Variants in NR2F2 observed in about 807,000 individuals in gnomAD.
NR2F2 encodes nuclear receptor subfamily 2 group F member 2.
Under a neutral mutation model 34.8 loss-of-function variants are expected in NR2F2, and 2 were observed. That is an observed-to-expected ratio of 0.06 (90% CI 0.02 to 0.18). The LOEUF is 0.18. Among genes scored for constraint, NR2F2 ranks in the 10% least tolerant of loss-of-function variants. The pLI is 1.00. For missense variants in NR2F2, 300 were observed against 580.1 expected (o/e 0.52, Z 4.96); for synonymous variants, 274 against 251.8 (o/e 1.09, Z -0.84).
In NR2F2 at chr15:96,330,987, T is replaced by C; in HGVS notation, c.-1119T>C. 1 of 1,209,384 alleles carries C rather than the reference T, an allele frequency of 8.3e-7. No homozygotes were observed. Among genetic ancestry groups the C allele is most frequent in the Non-Finnish European group, 1.0e-6 (1 of 973,182 alleles). 74.9% of individuals were successfully genotyped at this position (1,209,384 alleles called of 1,614,324 possible). ...AGGTGGTGATCTGCCCTCCTCTCTCTCTTTTATCATTTCTCCCCCGCCGCC... is the reference window on the plus strand; with the variant it reads ...AGGTGGTGATCTGCCCTCCTCTCTCCCTTTTATCATTTCTCCCCCGCCGCC... On this transcript the variant is annotated 5_prime_UTR_variant, in exon 1 of 3. Transcript: ENST00000394166.
rs75102826 is a variant in NR2F2 at position 96,331,574 on chromosome 15, TTCCTCCTCCTCCTCC to T, written c.-519_-505del. ...CCTCCTCCTTCACCACCACCTCCTC[TTCCTCCTCCTCCTCC>T]TCCTCCTCCTCCGCCAACTCCTCGG... On this transcript the variant is annotated 5_prime_UTR_variant, in exon 1 of 3. Coordinates refer to ENST00000394166, the MANE Select transcript of NR2F2 (RefSeq NM_021005.4). 12 of 1,190,878 alleles carry T rather than the reference TTCCTCCTCCTCCTCC, an allele frequency of 1.0e-5. No homozygotes were observed. Among genetic ancestry groups the T allele is most frequent in the African/African-American group, 8.0e-5 (5 of 62,256 alleles). The allele number at this position is 1,190,878 out of a possible 1,614,324, so 73.8% of individuals were successfully genotyped here. A position where few individuals can be genotyped will look rare whatever the true frequency, so the allele number is the denominator to read the frequency against.
At chr15:96,326,870 G>T (rs35051371), upstream of NR2F2, 153 of 153,130 alleles carry the variant, frequency 1.0e-3, no homozygotes, top group Non-Finnish European at 2.0e-3. This position sits in a 1 kb window ranked among gnomAD's most constrained non-coding sequence, Gnocchi z 5.5. Context: ...AGGGAGAAAA[G>T]CCTAGCCCGG....
upstream of NR2F2, chr15:96,326,422 T>C: frequency 1.5e-6 from 2 of 1,361,744 alleles, no homozygotes; most frequent in Non-Finnish European, 1.1e-6. The surrounding 1 kb of genome is among the most constrained non-coding windows in gnomAD (Gnocchi z 5.5). Context: ...CTGTGTGGGG[T>C]TGGGGATGAC....
chr15:96,336,591 T>A (rs1443923286), intron 2 of NR2F2, among the ~76,000 whole-genome samples: 1 of 150,436 alleles, frequency 6.6e-6, no homozygotes, highest in Non-Finnish European at 1.5e-5. Context: ...TATTTTCACG[T>A]ATCAAAAAAG....
intron 1 of NR2F2, chr15:96,333,682 C>T: frequency 8.9e-7 from 1 of 1,124,962 alleles, no homozygotes; most frequent in Non-Finnish European, 1.1e-6. Context: ...CTCACCCTCC[C>T]CCCAGACTCG....
At chr15:96,326,924 A>C (rs1195516737), upstream of NR2F2, 2 of 153,318 alleles carry the variant, frequency 1.3e-5, no homozygotes, top group East Asian at 3.8e-4. This position sits in a 1 kb window ranked among gnomAD's most constrained non-coding sequence, Gnocchi z 5.5. Context: ...CGGTTAAGCT[A>C]GGAGGAGAAT....
At chr15:96,330,400 T>TCGGCGGCGGCGGCGG (rs560453342), upstream of NR2F2, among the ~76,000 whole-genome samples, 8 of 143,478 alleles carry the variant, frequency 5.6e-5, no homozygotes, top group East Asian at 2.3e-4. Context: ...CATCCCCCTC[T>TCGGCGGCGGCGGCGG]CGGCGGCGGC....
At chr15:96,332,940 T>C (rs1382316469) in intron 1 of NR2F2, among the ~76,000 whole-genome samples, 345 of 26,700 alleles carry the variant, frequency 0.013, no homozygotes, top group Middle Eastern at 0.023. Flanking sequence ...CCCCACCCTC[T>C]CAAAAAAAAA....
chr15:96,331,969 GGCGCCCTCCC>G lies in NR2F2; in HGVS notation c.-128_-119del, dbSNP rs1269813706. ...ACCAACCAGCCCCCGAGCCACCCGG[GGCGCCCTCCC>G]GCGCCCTCTTGCACCCTCGCACACA... On this transcript the variant is annotated 5_prime_UTR_variant, in exon 1 of 3. Transcript: ENST00000394166. The G allele has an allele frequency of 5.0e-6, 6 of 1,208,746 alleles. No individual in the cohort carries two copies. Among genetic ancestry groups the G allele is most frequent in the Admixed American group, 4.4e-5 (1 of 22,690 alleles). 74.9% of individuals were successfully genotyped at this position (1,208,746 alleles called of 1,614,324 possible). A position where few individuals can be genotyped will look rare whatever the true frequency, so the allele number is the denominator to read the frequency against.
In NR2F2 at chr15:96,334,241, C is replaced by A; in HGVS notation, c.608C>A (p.Pro203His). The A allele has an allele frequency of 6.2e-7, 1 of 1,614,220 alleles. No homozygotes were observed. Among genetic ancestry groups the A allele is most frequent in the Non-Finnish European group, 8.5e-7 (1 of 1,180,040 alleles). The change falls in exon 2 of 3, where the codon CCC becomes CAC. Residue 203 changes from proline to histidine, a missense_variant. Physicochemically the swap from Pro to His is moderately conservative, Grantham distance 77 (BLOSUM62 -2). Transcript: ENST00000394166. The stretch of plus-strand genomic sequence containing the variant: ...CGCTTCGGCAGCCAATGCATGCAGC[C>A]CAACAACATCATGGGTATCGAGAAC... Reference protein sequence around the residue: ...TSRFGSQCMQPNNIMGIENIC... With the variant: ...TSRFGSQCMQHNNIMGIENIC...
chr15:96,333,952 T>G, intron 1 of NR2F2, 124 bp from the exon 2 acceptor site: 2 of 1,505,252 alleles, frequency 1.3e-6, no homozygotes, highest in Non-Finnish European at 1.8e-6. Context: ...GTGGCAGGCC[T>G]GCCTGGTTCT....
chr15:96,333,427 C>G, intron 1 of NR2F2: 1 of 1,002,700 alleles, frequency 1.0e-6, no homozygotes, highest in African/African-American at 1.7e-5. Context: ...CTAGTGCCGG[C>G]CGCCTGCTCC....
Position 96,330,787 on chromosome 15 carries a change from CTG to C in NR2F2, c.-1317_-1316del, listed in dbSNP as rs1045781448. On this transcript the variant is annotated 5_prime_UTR_variant, in exon 1 of 3. Transcript: ENST00000394166. The stretch of plus-strand genomic sequence containing the variant: ...TAGCATATTTGATCACTTTGATTCT[CTG>C]TTCTTTTCTCTCCGCGGTGTGTGTG... 1.9e-4 allele frequency: 175 copies of C among 932,038 alleles called. No individual in the cohort carries two copies. The highest frequency in any genetic ancestry group is 2.2e-4 in the Non-Finnish European group (163 of 748,992). The allele number at this position is 932,038 out of a possible 1,614,324, so 57.7% of individuals were successfully genotyped here.
intron 1 of NR2F2, among the ~76,000 whole-genome samples, chr15:96,332,941 C>CCCCA (rs1899194044): frequency 1.0e-4 from 6 of 58,030 alleles, no homozygotes; most frequent in Non-Finnish European, 1.7e-4. Context: ...CCCACCCTCT[C>CCCCA]AAAAAAAAAA....
In NR2F2 at chr15:96,332,342, C is replaced by T. The variant is rs369494475; in HGVS notation, c.237C>T (p.Cys79=). Residue 79 remains cysteine (C), a synonymous_variant, in exon 1 of 3, where the codon TGC becomes TGT. Coordinates refer to ENST00000394166, the MANE Select transcript of NR2F2 (RefSeq NM_021005.4). ...AGCAGCAGCAGCAACACATCGAGTG[C>T]GTGGTGTGCGGAGACAAGTCGAGCG... ...DKQQQQQHIE[C]VVCGDKSSGK... is the part of the protein sequence containing the mutation. 6.8e-6 allele frequency: 11 copies of T among 1,606,592 alleles called. No individual in the cohort carries two copies. The highest frequency in any genetic ancestry group is 9.3e-6 in the Non-Finnish European group (11 of 1,176,570).
chr15:96,336,287 C>G (rs62009260), intron 2 of NR2F2, among the ~76,000 whole-genome samples: 3,099 of 152,290 alleles, frequency 0.02, 46 homozygotes, highest in Non-Finnish European at 0.032. Context: ...GAGGGAGACA[C>G]ACAGTTCCGA....
chr15:96,334,471 A>G lies in NR2F2; in HGVS notation c.838A>G (p.Met280Val). 1.9e-6 allele frequency: 3 copies of G among 1,613,944 alleles called. No individual in the cohort carries two copies. Among genetic ancestry groups the G allele is most frequent in the South Asian group, 1.1e-5 (1 of 91,076 alleles). ...CGCCGCCGGCCTGCATGCTTCGCCC[A>G]TGTCCGCCGACCGGGTGGTCGCCTT... is the stretch of plus-strand genomic sequence containing the variant. ...LAAAGLHASP[M>V]SADRVVAFMD... is the part of the protein sequence containing the mutation. Residue 280 changes from methionine (M) to valine (V), a missense_variant, in exon 2 of 3, where the codon ATG (methionine) becomes GTG (valine). By Grantham distance (21) the Met-to-Val change is conservative. This residue lies in a region of NR2F2 where 164 missense variants were observed against 365.3 expected (regional missense o/e 0.45). Transcript: ENST00000394166.
chr15:96,327,106 G>A (rs1366867106), upstream of NR2F2: 1 of 151,764 alleles, frequency 6.6e-6, no homozygotes, highest in Non-Finnish European at 1.5e-5. Flanking sequence ...TAAAAAGCCA[G>A]CGAGAGAGAC....
Position 96,331,628 on chromosome 15 carries a change from CT to C in NR2F2, c.-477del. 1.7e-6 allele frequency: 2 copies of C among 1,187,928 alleles called. No individual in the cohort carries two copies. The highest frequency in any genetic ancestry group is 2.1e-6 in the Non-Finnish European group (2 of 950,784). The allele number at this position is 1,187,928 out of a possible 1,614,324, so 73.6% of individuals were successfully genotyped here. A position where few individuals can be genotyped will look rare whatever the true frequency, so the allele number is the denominator to read the frequency against. On this transcript the variant is annotated 5_prime_UTR_variant, in exon 1 of 3. It removes the in-frame stop codon of an upstream open reading frame in the 5' UTR. Transcript: ENST00000394166. ...CCAACTCCTCGGCTGCACACCAGCT[CT>C]AAGAGCGAGAGTGAACGAGAGAGGG...
Sources: allele counts gnomAD v4.1 joint callset (sites outside exome capture counted in the v4.1 genomes callset), GRCh38; gene constraint gnomAD v4.1.1; regional missense constraint gnomAD v4.1.1; non-coding constraint Gnocchi (gnomAD v3.1); transcripts MANE v1.5; gene names NCBI Gene and HGNC (gene_info 2026-07-23, HGNC 2026-07-21).